Variants in ADK observed in about 807,000 individuals in gnomAD.
ADK encodes adenosine kinase, also known as N6,N6-dimethyladenosine kinase.
Under a neutral mutation model 44.7 loss-of-function variants are expected in ADK, and 24 were observed. That is an observed-to-expected ratio of 0.54 (90% CI 0.39 to 0.76). The LOEUF is 0.76. ADK is among the 30% of genes least tolerant of loss of function. ADK has a pLI of 0.00. For synonymous variants in ADK, 128 were observed against 142.6 expected, an observed-to-expected ratio of 0.90 and a Z score of 0.73; for missense variants, 321 against 425.1, an observed-to-expected ratio of 0.76 and a Z score of 2.15.
chr10:74,193,177 A>G (rs947858105), intron 1 of ADK, among the ~76,000 whole-genome samples: 2 of 152,152 alleles, frequency 1.3e-5, no homozygotes, highest in African/African-American at 4.8e-5. Context: ...CTGTGTCTTA[A>G]TATAGCCACT....
At chr10:74,400,709 G>A (rs928166649) in intron 6 of ADK, among the ~76,000 whole-genome samples, 1 of 152,038 alleles carries the variant, frequency 6.6e-6, no homozygotes, top group Admixed American at 6.6e-5. Context: ...AAGTTCTGGG[G>A]GCTCTTTAAT....
intron 1 of ADK, among the ~76,000 whole-genome samples, chr10:74,168,844 C>A (rs1233198953): frequency 6.6e-6 from 1 of 151,988 alleles, no homozygotes; most frequent in East Asian, 2.0e-4. Flanking sequence ...AACTCCTGAC[C>A]TCGTGATCCT....
chr10:74,488,789 A>G (rs147311551), intron 6 of ADK, among the ~76,000 whole-genome samples: 1 of 151,984 alleles, frequency 6.6e-6, no homozygotes, highest in Non-Finnish European at 1.5e-5. Flanking sequence ...TTCAACAGCT[A>G]TATATTGAAC....
chr10:74,317,475 C>T (rs1840663118), intron 4 of ADK, among the ~76,000 whole-genome samples: 1 of 151,438 alleles, frequency 6.6e-6, no homozygotes, highest in African/African-American at 2.4e-5. Flanking sequence ...CCTGTAATCC[C>T]AGCATTTTGA....
chr10:74,566,345 C>T (rs746558256), intron 7 of ADK, among the ~76,000 whole-genome samples: 1 of 151,690 alleles, frequency 6.6e-6, no homozygotes, highest in Non-Finnish European at 1.5e-5. Context: ...TAGCTGGGAC[C>T]ACAGACATGC....
intron 9 of ADK, among the ~76,000 whole-genome samples, chr10:74,665,933 C>A (rs1290029582): frequency 6.6e-6 from 1 of 152,186 alleles, no homozygotes; most frequent in East Asian, 1.9e-4. Context: ...AAAACAGTAA[C>A]AATGTGGCAT....
At chr10:74,272,299 A>C (rs1015108034) in intron 3 of ADK, among the ~76,000 whole-genome samples, 2 of 150,774 alleles carry the variant, frequency 1.3e-5, no homozygotes, top group African/African-American at 4.9e-5. Context: ...TTTTTTTGAG[A>C]CAGGGTCTCA....
chr10:74,355,550 G>C (rs753987343), intron 4 of ADK, among the ~76,000 whole-genome samples: 24 of 152,188 alleles, frequency 1.6e-4, no homozygotes, highest in Middle Eastern at 3.2e-3. Context: ...GTATCTGCTA[G>C]AAATGTAGTC....
chr10:74,156,927 A>G (rs985561883), intron 1 of ADK, among the ~76,000 whole-genome samples: 1 of 152,270 alleles, frequency 6.6e-6, no homozygotes. Context: ...GACCAAGAAC[A>G]GAAAAGAAAC....
intron 4 of ADK, among the ~76,000 whole-genome samples, chr10:74,320,125 C>G (rs1275316395): frequency 6.6e-6 from 1 of 152,170 alleles, no homozygotes. Context: ...GAAGGACTCT[C>G]TTTAGCATTT....
chr10:74,655,349 G>A (rs2134149022), intron 9 of ADK: 1 of 415,830 alleles, frequency 2.4e-6, no homozygotes, highest in South Asian at 2.0e-5. Flanking sequence ...GTCAGACATG[G>A]GACCTTCTCA....
At chr10:74,525,657 T>C (rs1204987520) in intron 7 of ADK, among the ~76,000 whole-genome samples, 1 of 152,202 alleles carries the variant, frequency 6.6e-6, no homozygotes, top group Non-Finnish European at 1.5e-5. Context: ...TTTATTTTTA[T>C]ATTTTTATTT....
At chr10:74,297,623 G>T (rs1206136139) in intron 3 of ADK, among the ~76,000 whole-genome samples, 2 of 152,178 alleles carry the variant, frequency 1.3e-5, no homozygotes, top group African/African-American at 4.8e-5. Flanking sequence ...CAAACTATGA[G>T]CTGTGGGCTA....
intron 10 of ADK, among the ~76,000 whole-genome samples, chr10:74,691,852 G>A (rs958645360): frequency 3.3e-5 from 5 of 152,038 alleles, no homozygotes; most frequent in Admixed American, 1.3e-4. Flanking sequence ...CCAACATCCT[G>A]AGGTTATATG....
At chr10:74,601,987 C>G (rs1483381921) in intron 9 of ADK, among the ~76,000 whole-genome samples, 1 of 149,724 alleles carries the variant, frequency 6.7e-6, no homozygotes, top group Admixed American at 6.7e-5. Flanking sequence ...TGCCCATAGT[C>G]CTGGCTACTT....
intron 3 of ADK, among the ~76,000 whole-genome samples, chr10:74,259,326 A>G (rs1048887434): frequency 1.5e-4 from 23 of 151,852 alleles, no homozygotes; most frequent in African/African-American, 5.6e-4. Context: ...GTTAAATAAG[A>G]TGATTAGATA....
chr10:74,589,213 C>CA, intron 7 of ADK, 69 bp from the exon 8 acceptor site: 1 of 1,461,508 alleles, frequency 6.8e-7, no homozygotes, highest in Non-Finnish European at 9.5e-7. Flanking sequence ...GAATGAGTTT[C>CA]AAAAAATGGA....
chr10:74,397,786 C>A (rs1298596343), intron 5 of ADK, among the ~76,000 whole-genome samples: 2 of 152,158 alleles, frequency 1.3e-5, no homozygotes, highest in African/African-American at 2.4e-5. Flanking sequence ...GCAATCCTCC[C>A]ACCTTGGCCT....
chr10:74,313,507 C>T (rs11000987), intron 3 of ADK, among the ~76,000 whole-genome samples: 19,536 of 151,874 alleles, frequency 0.13, 1,316 homozygotes, highest in Middle Eastern at 0.17. Context: ...TTTTAGCATC[C>T]GGTATTCTTT....
Sources: allele counts gnomAD v4.1 joint callset (sites outside exome capture counted in the v4.1 genomes callset), GRCh38; gene constraint gnomAD v4.1.1; transcripts MANE v1.5; gene names NCBI Gene and HGNC (gene_info 2026-07-23, HGNC 2026-07-21).